Variants in RBFOX1 observed in about 807,000 individuals in gnomAD.
The protein encoded by RBFOX1 is RNA binding protein fox-1 homolog 1.
In RBFOX1, 8 loss-of-function variants were observed where a neutral mutation model predicts 57.7. That is an observed-to-expected ratio of 0.14 (90% CI 0.08 to 0.25). The LOEUF is 0.25. Ranked by LOEUF, RBFOX1 falls within the 10% of genes least tolerant of loss-of-function variation. RBFOX1 has a pLI of 1.00. For synonymous variants in RBFOX1, 326 were observed against 222.4 expected (o/e 1.47, Z -4.15); for missense variants, 611 against 548.5 (o/e 1.11, Z -1.14).
chr16:5,889,942 A>T (rs563503607), intron 4 of RBFOX1, among the ~76,000 whole-genome samples: 2 of 152,358 alleles, frequency 1.3e-5, no homozygotes, highest in South Asian at 2.1e-4. Flanking sequence ...CTGGGCAAAC[A>T]GCCTCTGTGA....
At chr16:6,462,296 C>A (rs146138550) in intron 2 of RBFOX1, among the ~76,000 whole-genome samples, 1 of 152,170 alleles carries the variant, frequency 6.6e-6, no homozygotes, top group African/African-American at 2.4e-5. Context: ...GTATGGTCCC[C>A]TTTGCTGATA....
chr16:6,652,252 C>G (rs1568053527), intron 2 of RBFOX1, among the ~76,000 whole-genome samples: 1 of 152,128 alleles, frequency 6.6e-6, no homozygotes, highest in East Asian at 1.9e-4. Context: ...AGATCGAGAG[C>G]ATCCTGGCCA....
intron 1 of RBFOX1, among the ~76,000 whole-genome samples, chr16:5,408,648 A>G (rs192952152): frequency 3.3e-5 from 5 of 152,334 alleles, no homozygotes; most frequent in African/African-American, 9.6e-5. Context: ...TAATTTATAA[A>G]GAAAAGAGGT....
In RBFOX1 at chr16:6,611,400, G is replaced by T. The variant is rs146067801; in HGVS notation, c.-63-43203G>T. Among the ~76,000 whole-genome samples the T allele has an allele frequency of 5.8e-3, 891 of 152,314 alleles. 9 individuals are homozygous for T. The highest frequency in any genetic ancestry group is 8.4e-3 in the Non-Finnish European group (570 of 68,022). On this transcript the variant is annotated intron_variant, in intron 2 of 15. Transcript: ENST00000550418. ...GACCTCAGGTGATCCATCTGCCTCA[G>T]CCTCCCAAAGTGCTGGGATGTCAGG...
At chr16:6,918,205 C>G (rs896154652) in intron 3 of RBFOX1, among the ~76,000 whole-genome samples, 1 of 151,632 alleles carries the variant, frequency 6.6e-6, no homozygotes, top group South Asian at 2.1e-4. Flanking sequence ...TCACTTGAAC[C>G]TGGGAGGTGG....
chr16:5,975,191 C>T (rs369676528), intron 4 of RBFOX1, among the ~76,000 whole-genome samples: 1 of 152,266 alleles, frequency 6.6e-6, no homozygotes, highest in Non-Finnish European at 1.5e-5. Flanking sequence ...CTAGCTGACT[C>T]CTCTTTCTCG....
chr16:6,998,172 G>C (rs1476713895), intron 3 of RBFOX1, among the ~76,000 whole-genome samples: 1 of 152,090 alleles, frequency 6.6e-6, no homozygotes, highest in Non-Finnish European at 1.5e-5. Flanking sequence ...AATGAAAGCA[G>C]CCAAAGCAGT....
At chr16:7,210,449 C>G (rs915198040) in intron 4 of RBFOX1, among the ~76,000 whole-genome samples, 1 of 151,960 alleles carries the variant, frequency 6.6e-6, no homozygotes, top group Non-Finnish European at 1.5e-5. Flanking sequence ...ACCAAGATTT[C>G]TTAAGACAAT....
At chr16:6,039,970 A>T (rs1329964633) in intron 1 of RBFOX1, among the ~76,000 whole-genome samples, 1 of 152,152 alleles carries the variant, frequency 6.6e-6, no homozygotes, top group African/African-American at 2.4e-5. Flanking sequence ...CATGATAGAG[A>T]GGTGCTTACA....
At chr16:5,972,309 G>A (rs2059978137) in intron 4 of RBFOX1, among the ~76,000 whole-genome samples, 3 of 152,164 alleles carry the variant, frequency 2.0e-5, no homozygotes, top group Non-Finnish European at 2.9e-5. Flanking sequence ...ATTTCCATAG[G>A]CTACACATGG....
intron 4 of RBFOX1, among the ~76,000 whole-genome samples, chr16:7,436,306 C>T (rs1353810106): frequency 6.6e-6 from 1 of 152,152 alleles, no homozygotes; most frequent in African/African-American, 2.4e-5. Context: ...TTTTCCCATC[C>T]TCTTTCATTG....
At chr16:6,900,928 C>A (rs575950205) in intron 3 of RBFOX1, among the ~76,000 whole-genome samples, 15 of 152,302 alleles carry the variant, frequency 9.8e-5, no homozygotes, top group African/African-American at 3.4e-4. Flanking sequence ...ATGGTAAATG[C>A]TAATGAAAAC....
At chr16:7,165,603 A>AT (rs1240199852) in intron 4 of RBFOX1, among the ~76,000 whole-genome samples, 1 of 151,224 alleles carries the variant, frequency 6.6e-6, no homozygotes, top group East Asian at 2.0e-4. Flanking sequence ...CTAATTTTGT[A>AT]TTTTTAGTAG....
At chr16:6,020,355 C>T (rs1394152539) in intron 1 of RBFOX1, among the ~76,000 whole-genome samples, 1 of 152,102 alleles carries the variant, frequency 6.6e-6, no homozygotes, top group Admixed American at 6.5e-5. Context: ...CCCTGGCCGG[C>T]TGCAAGCGTG....
At chr16:7,472,164 G>A (rs1370529358) in intron 4 of RBFOX1, among the ~76,000 whole-genome samples, 1 of 152,106 alleles carries the variant, frequency 6.6e-6, no homozygotes, top group African/African-American at 2.4e-5. Context: ...ATAGTTCAAA[G>A]GGAGAAGCAT....
At chr16:7,005,851 G>T (rs537654542) in intron 3 of RBFOX1, among the ~76,000 whole-genome samples, 31 of 152,218 alleles carry the variant, frequency 2.0e-4, no homozygotes, top group African/African-American at 7.2e-4. Flanking sequence ...TACAGCTTTC[G>T]CTTCACTAAA....
At chr16:6,457,079 C>T (rs527681982) in intron 2 of RBFOX1, among the ~76,000 whole-genome samples, 90 of 152,064 alleles carry the variant, frequency 5.9e-4, no homozygotes, top group African/African-American at 2.1e-3. Context: ...GGTTTTAAGC[C>T]ATGGGAATTG....
chr16:5,501,474 G>A (rs1282499599), intron 2 of RBFOX1, among the ~76,000 whole-genome samples: 2 of 152,110 alleles, frequency 1.3e-5, no homozygotes, highest in Non-Finnish European at 2.9e-5. Flanking sequence ...TGGTGGGGAG[G>A]CAGGCTGAAT....
chr16:6,074,441 A>G (rs2095872548), intron 1 of RBFOX1, among the ~76,000 whole-genome samples: 1 of 152,204 alleles, frequency 6.6e-6, no homozygotes, highest in Non-Finnish European at 1.5e-5. Flanking sequence ...ACCAATCATG[A>G]TAAAATCTCT....
Sources: allele counts gnomAD v4.1 joint callset (sites outside exome capture counted in the v4.1 genomes callset), GRCh38; gene constraint gnomAD v4.1.1; transcripts MANE v1.5; gene names NCBI Gene and HGNC (gene_info 2026-07-23, HGNC 2026-07-21).